The following ADD2 variants were observed in gnomAD, a reference collection of about 807,000 sequenced individuals.
ADD2 encodes beta-adducin.
Under a neutral mutation model 83.0 loss-of-function variants are expected in ADD2, and 23 were observed. The ratio of observed to expected loss-of-function variants is 0.28; its 90% confidence interval spans 0.20 to 0.39. The LOEUF (loss-of-function observed/expected upper bound fraction) is 0.39, where lower values mean the gene tolerates loss of function less well. ADD2 is among the 10% of genes least tolerant of loss of function. The pLI is 1.00. For synonymous variants in ADD2, 375 were observed against 375.4 expected (o/e 1.00, Z 0.01); for missense variants, 758 against 944.9 (o/e 0.80, Z 2.59).
chr2:70,753,793 G>A lies in ADD2; in HGVS notation c.-154+14093C>T, dbSNP rs536214435. ...ACAGGATGCTTTTTTGAGATTTTCAGCCATGCATCTGAAAAAGCCTACGCT... is the reference window on the plus strand; with the variant it reads ...ACAGGATGCTTTTTTGAGATTTTCAACCATGCATCTGAAAAAGCCTACGCT... On this transcript the variant is annotated intron_variant, in intron 1 of 15. Transcript: ENST00000264436. Among the ~76,000 whole-genome samples the A allele has an allele frequency of 2.6e-5, 4 of 152,248 alleles. No individual in the cohort carries two copies. The South Asian group carries it at 8.3e-4, about 32-fold the overall frequency.
At chr2:70,664,301 A>G (rs1675666023) in intron 15 of ADD2, among the ~76,000 whole-genome samples, 1 of 152,188 alleles carries the variant, frequency 6.6e-6, no homozygotes, top group African/African-American at 2.4e-5. Flanking sequence ...ATGTTAGTCA[A>G]AAGGGGAAGA....
chr2:70,712,359 G>A (rs1450133782), intron 2 of ADD2, among the ~76,000 whole-genome samples: 6 of 150,776 alleles, frequency 4.0e-5, no homozygotes, highest in African/African-American at 9.8e-5. Flanking sequence ...CAGGAGAATC[G>A]CTTGAACCTG....
intron 1 of ADD2, among the ~76,000 whole-genome samples, chr2:70,723,434 C>A (rs1458472841): frequency 4.0e-5 from 6 of 151,428 alleles, no homozygotes; most frequent in Non-Finnish European, 8.8e-5. Context: ...ATCTAGTCAG[C>A]AAGCACACAT....
At chr2:70,681,439 A>G (rs782656504) in intron 10 of ADD2, among the ~76,000 whole-genome samples, 5 of 152,180 alleles carry the variant, frequency 3.3e-5, no homozygotes, top group Non-Finnish European at 5.9e-5. Flanking sequence ...CTTGAGCCCA[A>G]GTGTTTAAGA....
At chr2:70,704,271 C>CCCCCCCCCCCCCCCCCCCG in intron 4 of ADD2, 50 bp downstream of exon 4, 1 of 1,279,030 alleles carries the variant, frequency 7.8e-7, no homozygotes, top group Non-Finnish European at 1.1e-6. Context: ...CTTCCCCACC[C>CCCCCCCCCCCCCCCCCCCG]CACCCTCCCC....
intron 4 of ADD2, among the ~76,000 whole-genome samples, chr2:70,699,313 C>A (rs543870764): frequency 1.1e-3 from 173 of 152,140 alleles, no homozygotes; most frequent in African/African-American, 4.0e-3. Flanking sequence ...AAAAAACCTA[C>A]AATTATATGC....
chr2:70,688,594 T>G (rs1670863615), intron 8 of ADD2, among the ~76,000 whole-genome samples: 1 of 152,166 alleles, frequency 6.6e-6, no homozygotes, highest in Non-Finnish European at 1.5e-5. Context: ...GTGACTTAGT[T>G]GACGTGGGAG....
In ADD2 at chr2:70,677,833, C is replaced by G. The variant is rs34884423; in HGVS notation, c.1428G>C (p.Pro476=). Residue 476 remains proline, a synonymous_variant, in exon 12 of 16, where the codon CCG becomes CCC. Coordinates refer to ENST00000264436, the MANE Select transcript of ADD2 (RefSeq NM_001617.4). ...DEVEKSSSGM[P]IRIENPNQFV... is the part of the protein sequence containing the mutation. ...ATTGGTTTGGGTTTTCGATGCGAAT[C>G]GGCATGCCACTGCTGGATTTCTCCA... is the stretch of plus-strand genomic sequence containing the variant. 1.9e-6 allele frequency: 3 copies of G among 1,614,210 alleles called. No individual in the cohort carries two copies. Among genetic ancestry groups the G allele is most frequent in the Middle Eastern group, 1.6e-4 (1 of 6,062 alleles).
intron 1 of ADD2, among the ~76,000 whole-genome samples, chr2:70,718,878 G>T (rs1331647493): frequency 6.6e-6 from 1 of 152,218 alleles, no homozygotes; most frequent in African/African-American, 2.4e-5. Context: ...CCTGGTAGGA[G>T]GTGGGGGAAT....
At chr2:70,760,260 G>C (rs1269585979) in intron 1 of ADD2, among the ~76,000 whole-genome samples, 1 of 152,100 alleles carries the variant, frequency 6.6e-6, no homozygotes, top group Non-Finnish European at 1.5e-5. Context: ...TCGGGTCCCA[G>C]CCATGACACA....
intron 1 of ADD2, among the ~76,000 whole-genome samples, chr2:70,715,334 C>G (rs1341819643): frequency 1.3e-5 from 2 of 152,214 alleles, no homozygotes; most frequent in Admixed American, 6.5e-5. Context: ...GCTGCTGTAC[C>G]AAGCACAGCA....
intron 2 of ADD2, among the ~76,000 whole-genome samples, chr2:70,709,678 C>T (rs1017383468): frequency 1.1e-4 from 17 of 152,168 alleles, no homozygotes; most frequent in African/African-American, 4.1e-4. Context: ...CAGATACATT[C>T]GTGTAATAAA....
At chr2:70,716,968 T>C (rs374392122) in intron 1 of ADD2, among the ~76,000 whole-genome samples, 2 of 152,124 alleles carry the variant, frequency 1.3e-5, no homozygotes, top group East Asian at 1.9e-4. Flanking sequence ...TAATATTACA[T>C]ACCATGCATC....
chr2:70,668,161 G>A (rs1356468878), intron 15 of ADD2, among the ~76,000 whole-genome samples: 1 of 152,188 alleles, frequency 6.6e-6, no homozygotes, highest in African/African-American at 2.4e-5. Flanking sequence ...AGAGCCTGGA[G>A]ACAACATACT....
In ADD2 at chr2:70,720,905, T is replaced by C. The variant is rs1409433159; in HGVS notation, c.-153-7721A>G. Among the ~76,000 whole-genome samples the C allele has an allele frequency of 2.6e-5, 4 of 152,132 alleles. No homozygotes were observed. In the East Asian group the frequency reaches 7.7e-4, roughly 29 times the overall value. On this transcript the variant is annotated intron_variant, in intron 1 of 15. Transcript: ENST00000264436. ...CTTCTCCACTCCCTTTCTCCTCCCT[T>C]GCCTCCCTGCTGGAGGCAGAGGATT...
intron 4 of ADD2, 50 bp downstream of exon 4, chr2:70,704,271 C>CCCCCCCCCCCCCCCCCCAG: frequency 3.9e-6 from 5 of 1,279,030 alleles, no homozygotes; most frequent in East Asian, 5.5e-5. Context: ...CTTCCCCACC[C>CCCCCCCCCCCCCCCCCCAG]CACCCTCCCC....
At chr2:70,679,504 G>A (rs1553369163) in intron 10 of ADD2, among the ~76,000 whole-genome samples, 3 of 152,102 alleles carry the variant, frequency 2.0e-5, no homozygotes, top group African/African-American at 7.2e-5. Flanking sequence ...GAACATTCCT[G>A]TCTCCTAAGC....
intron 1 of ADD2, among the ~76,000 whole-genome samples, chr2:70,718,210 CT>C (rs1553376750): frequency 6.6e-6 from 1 of 152,202 alleles, no homozygotes; most frequent in Non-Finnish European, 1.5e-5. Flanking sequence ...CATGAATGGA[CT>C]GAGTATTCTT....
At chr2:70,718,622 A>T (rs1388196198) in intron 1 of ADD2, among the ~76,000 whole-genome samples, 1 of 152,206 alleles carries the variant, frequency 6.6e-6, no homozygotes, top group Non-Finnish European at 1.5e-5. Flanking sequence ...TTATTCAATC[A>T]ACAAAAGCTG....
Sources: gnomAD v4.1 joint callset for allele counts (sites outside exome capture counted in the v4.1 genomes callset) on GRCh38, gnomAD v4.1.1 for gene constraint, MANE v1.5 for transcripts, NCBI Gene and HGNC (gene_info 2026-07-23, HGNC 2026-07-21) for gene names.